The following TRPM3 variants were observed in gnomAD, a reference collection of about 807,000 sequenced individuals.
The protein encoded by TRPM3 is long transient receptor potential channel 3.
A neutral mutation model predicts 181.2 loss-of-function variants in TRPM3; 77 were observed. The ratio of observed to expected loss-of-function variants is 0.42; its 90% confidence interval spans 0.35 to 0.51. TRPM3 has a LOEUF of 0.51. Among genes scored for constraint, TRPM3 ranks in the 20% least tolerant of loss-of-function variants. The probability of loss-of-function intolerance (pLI) is 0.01; values close to 1 mark genes in which losing one functional copy is unlikely to be tolerated. For missense variants in TRPM3, 1,759 were observed against 2,196.7 expected (o/e 0.80, Z 3.98); for synonymous variants, 745 against 796.4 (o/e 0.94, Z 1.09).
intron 1 of TRPM3, among the ~76,000 whole-genome samples, chr9:71,365,578 G>A (rs1011867845): frequency 6.6e-6 from 1 of 152,110 alleles, no homozygotes; most frequent in Non-Finnish European, 1.5e-5. Flanking sequence ...CAAAAAAACT[G>A]TCCCTTGAAT....
chr9:71,379,694 A>C (rs748280932), intron 1 of TRPM3, among the ~76,000 whole-genome samples: 2 of 124,454 alleles, frequency 1.6e-5, no homozygotes, highest in African/African-American at 2.5e-5. Context: ...TCTTTCCCAG[A>C]ATCTTTTTTT....
At chr9:71,019,142 C>G (rs1018601338) in intron 1 of TRPM3, among the ~76,000 whole-genome samples, 1 of 151,666 alleles carries the variant, frequency 6.6e-6, no homozygotes, top group Non-Finnish European at 1.5e-5. Context: ...ACAACTAAAC[C>G]CTACAGCAAA....
intron 1 of TRPM3, among the ~76,000 whole-genome samples, chr9:71,264,429 G>T (rs1367256289): frequency 6.6e-6 from 1 of 152,124 alleles, no homozygotes; most frequent in African/African-American, 2.4e-5. Flanking sequence ...CTTCATTAAA[G>T]CTGGGGGAAG....
chr9:70,915,767 G>C (rs573161117), intron 1 of TRPM3, among the ~76,000 whole-genome samples: 9 of 151,710 alleles, frequency 5.9e-5, no homozygotes, highest in Non-Finnish European at 1.2e-4. Flanking sequence ...GCAAATCTAA[G>C]AGTTATTGGC....
intron 1 of TRPM3, among the ~76,000 whole-genome samples, chr9:71,073,465 G>A (rs2063041544): frequency 6.6e-6 from 1 of 152,170 alleles, no homozygotes; most frequent in Non-Finnish European, 1.5e-5. Context: ...CTGAGCTTGA[G>A]AAAGTGTAGA....
chr9:71,391,072 G>T (rs565436679), intron 1 of TRPM3, among the ~76,000 whole-genome samples: 1 of 152,020 alleles, frequency 6.6e-6, no homozygotes, highest in Admixed American at 6.6e-5. Context: ...ATATTTTCCC[G>T]AGTCTTGATG....
chr9:70,993,177 G>C (rs1470067234), intron 1 of TRPM3, among the ~76,000 whole-genome samples: 1 of 152,132 alleles, frequency 6.6e-6, no homozygotes, highest in Non-Finnish European at 1.5e-5. Context: ...GGAAGTCATT[G>C]GAGGGTTTTA....
At chr9:71,417,010 T>C (rs1272291906) in intron 1 of TRPM3, among the ~76,000 whole-genome samples, 2 of 152,020 alleles carry the variant, frequency 1.3e-5, no homozygotes, top group Non-Finnish European at 2.9e-5. Flanking sequence ...TAGTTCATTC[T>C]TTTTTATTGC....
At chr9:70,540,024 A>G (rs929915509) in intron 25 of TRPM3, among the ~76,000 whole-genome samples, 13 of 152,146 alleles carry the variant, frequency 8.5e-5, no homozygotes, top group Non-Finnish European at 1.5e-4. Context: ...TTTTTTATAG[A>G]GCTGGGGTCC....
At chr9:70,660,286 C>A (rs1057487695) in intron 9 of TRPM3, among the ~76,000 whole-genome samples, 4 of 152,066 alleles carry the variant, frequency 2.6e-5, no homozygotes, top group African/African-American at 9.7e-5. Context: ...TTCAAAGACA[C>A]CCCTCTGCTT....
chr9:70,694,992 C>T (rs2069873070), intron 8 of TRPM3, among the ~76,000 whole-genome samples: 1 of 152,186 alleles, frequency 6.6e-6, no homozygotes, highest in Non-Finnish European at 1.5e-5. Context: ...CGGGAAAACC[C>T]GTTATTCCTA....
chr9:71,061,432 A>ACCCCTGGC (rs1195261818), intron 1 of TRPM3, among the ~76,000 whole-genome samples: 2 of 151,986 alleles, frequency 1.3e-5, no homozygotes, highest in African/African-American at 4.8e-5. Flanking sequence ...TGCAAAATTC[A>ACCCCTGGC]CCCCTGGCTG....
intron 1 of TRPM3, among the ~76,000 whole-genome samples, chr9:71,368,861 T>A (rs551874844): frequency 6.6e-6 from 1 of 152,266 alleles, no homozygotes; most frequent in Admixed American, 6.5e-5. Context: ...TTGAACTCAA[T>A]TTCAACAAAT....
intron 1 of TRPM3, among the ~76,000 whole-genome samples, chr9:70,901,175 T>C (rs909851429): frequency 3.3e-5 from 5 of 152,110 alleles, no homozygotes; most frequent in African/African-American, 1.2e-4. Flanking sequence ...TAAAAATGCA[T>C]ACAGTAATGA....
At chr9:70,586,533 C>T (rs2057159400) in intron 22 of TRPM3, among the ~76,000 whole-genome samples, 1 of 152,212 alleles carries the variant, frequency 6.6e-6, no homozygotes, top group African/African-American at 2.4e-5. Context: ...CTCATATTGG[C>T]TTGCTTCCTT....
chr9:70,791,714 C>T (rs2085450939), intron 6 of TRPM3, among the ~76,000 whole-genome samples: 1 of 152,132 alleles, frequency 6.6e-6, no homozygotes, highest in Admixed American at 6.6e-5. Context: ...AATTAGAATG[C>T]CTCCCTCACA....
At chr9:70,787,763 C>CTTTTTTTTTTTTTTTTTTTGTTTTTTT (rs2084049973) in intron 6 of TRPM3, among the ~76,000 whole-genome samples, 1 of 68,558 alleles carries the variant, frequency 1.5e-5, no homozygotes, top group African/African-American at 5.8e-5. Flanking sequence ...TTTTTGGATT[C>CTTTTTTTTTTTTTTTTTTTGTTTTTTT]TTTTTTTTTT....
At chr9:71,306,816 T>C (rs2087381628) in intron 1 of TRPM3, among the ~76,000 whole-genome samples, 1 of 152,180 alleles carries the variant, frequency 6.6e-6, no homozygotes, top group South Asian at 2.1e-4. Context: ...GAGATTGCAG[T>C]GAGCCGAGAT....
At chr9:70,693,790 GC>G (rs2069319033) in intron 8 of TRPM3, among the ~76,000 whole-genome samples, 1 of 152,198 alleles carries the variant, frequency 6.6e-6, no homozygotes, top group East Asian at 1.9e-4. Flanking sequence ...TTGTTACTGG[GC>G]CAATCTTACC....
Sources: gnomAD v4.1 joint callset for allele counts (sites outside exome capture counted in the v4.1 genomes callset) on GRCh38, gnomAD v4.1.1 for gene constraint, MANE v1.5 for transcripts, NCBI Gene and HGNC (gene_info 2026-07-23, HGNC 2026-07-21) for gene names.